Variants in CPLANE1 observed in about 807,000 individuals in gnomAD.
The protein encoded by CPLANE1 is ciliogenesis and planar polarity effector 1.
A neutral mutation model predicts 362.5 loss-of-function variants in CPLANE1; 263 were observed. That is an observed-to-expected ratio of 0.73 (90% CI 0.66 to 0.80). The LOEUF (loss-of-function observed/expected upper bound fraction) is 0.80. Among genes scored for constraint, CPLANE1 ranks in the 30% least tolerant of loss-of-function variants. The pLI, the probability that CPLANE1 is intolerant of heterozygous loss-of-function variation, is 0.00. For missense variants in CPLANE1, 3,461 were observed against 3,793.4 expected (o/e 0.91, Z 2.30); for synonymous variants, 1,212 against 1,302.6 (o/e 0.93, Z 1.50).
Position 37,187,765 on chromosome 5 carries a change from G to C in CPLANE1, c.3889C>G (p.Gln1297Glu). 1 of 1,613,626 alleles carries C rather than the reference G, an allele frequency of 6.2e-7. No homozygotes were observed. Among genetic ancestry groups the C allele is most frequent in the South Asian group, 1.1e-5 (1 of 91,026 alleles). ...CCTTTTACATTTTCTCTTGCTTTCT[G>C]ATATTGCCTGCAACTATAGGATAAC... ...DKLSYSCRQY[Q>E]KARENVKGEK... Residue 1297 changes from glutamine to glutamate, a missense_variant, in exon 22 of 53, where the codon CAG becomes GAG. By Grantham distance (29) the Gln-to-Glu change is conservative. Transcript: ENST00000651892.
At position 37,217,593 on chromosome 5, in the gene CPLANE1, C is replaced by T. The variant is rs144796690; in HGVS notation, c.2746+3731G>A. On this transcript the variant is annotated intron_variant, in intron 15 of 52. Coordinates refer to ENST00000651892, the MANE Select transcript of CPLANE1 (RefSeq NM_001384732.1). ...TTGCACTCCAGCCTGGGCGACAGAGCGAGACACCATCTCAAATAAATAAAT... is the reference window on the plus strand; with the variant it reads ...TTGCACTCCAGCCTGGGCGACAGAGTGAGACACCATCTCAAATAAATAAAT... Among the ~76,000 whole-genome samples the T allele has an allele frequency of 1.8e-3, 276 of 149,552 alleles. 2 individuals carry two copies. The East Asian group carries it at 0.045, about 25-fold the overall frequency.
intron 31 of CPLANE1, among the ~76,000 whole-genome samples, chr5:37,175,483 G>T (rs1780916347): frequency 6.6e-6 from 1 of 152,198 alleles, no homozygotes; most frequent in African/African-American, 2.4e-5. Context: ...CTGAGGTAAA[G>T]CTGTGCTATA....
chr5:37,186,789 G>A (rs1454139881), intron 23 of CPLANE1, among the ~76,000 whole-genome samples: 1 of 152,132 alleles, frequency 6.6e-6, no homozygotes, highest in South Asian at 2.1e-4. Context: ...GCCCGGCGCG[G>A]TGGCTCACGC....
chr5:37,179,181 T>C (rs999817840), intron 29 of CPLANE1, among the ~76,000 whole-genome samples, 180 bp downstream of exon 29: 31 of 152,224 alleles, frequency 2.0e-4, no homozygotes, highest in African/African-American at 7.5e-4. Flanking sequence ...TACTACACTG[T>C]ACTAGAATTT....
chr5:37,166,943 T>C (rs1580347651), intron 35 of CPLANE1, 104 bp downstream of exon 35: 7 of 860,666 alleles, frequency 8.1e-6, no homozygotes, highest in African/African-American at 3.5e-5. Context: ...GAATGTGCAA[T>C]TGTGTATAGC....
chr5:37,122,955 A>G (rs1049727075), intron 47 of CPLANE1, among the ~76,000 whole-genome samples: 1 of 152,184 alleles, frequency 6.6e-6, no homozygotes, highest in African/African-American at 2.4e-5. Flanking sequence ...TACTAGTTCA[A>G]TTAATATATT....
In CPLANE1 at chr5:37,125,403, C is replaced by T; in HGVS notation, c.8799G>A (p.Gln2933=). ...TTTGTGAATGTCTGCCAGAATAATG[C>T]TGAATTCTGAGAAATTTAACAAGCA... ...TEQAMGTSRI[Q]HYSGRHSQRT... is the part of the protein sequence containing the mutation. The change falls in exon 47 of 53, where the codon CAG becomes CAA. Residue 2933 remains glutamine, a synonymous_variant. Coordinates refer to ENST00000651892, the MANE Select transcript of CPLANE1 (RefSeq NM_001384732.1). 1.9e-6 allele frequency: 3 copies of T among 1,612,168 alleles called. No homozygotes were observed. Among genetic ancestry groups the T allele is most frequent in the Non-Finnish European group, 2.5e-6 (3 of 1,179,734 alleles).
chr5:37,197,883 C>T (rs1287875090), intron 20 of CPLANE1, among the ~76,000 whole-genome samples: 2 of 152,108 alleles, frequency 1.3e-5, no homozygotes, highest in Non-Finnish European at 2.9e-5. Flanking sequence ...TCCACTTCCT[C>T]CTCTCCCTAA....
intron 51 of CPLANE1, among the ~76,000 whole-genome samples, chr5:37,110,595 G>A (rs1469077539): frequency 6.6e-6 from 1 of 152,098 alleles, no homozygotes; most frequent in Non-Finnish European, 1.5e-5. Context: ...TTTATGTGCT[G>A]CTTTCTGTGT....
At chr5:37,085,911 A>AT in the CPLANE1 span, 1 of 746,102 alleles carries the variant, frequency 1.3e-6, no homozygotes, top group African/African-American at 1.8e-5. Flanking sequence ...TGTGGCAGGA[A>AT]TTAATAGGAA....
intron 47 of CPLANE1, among the ~76,000 whole-genome samples, chr5:37,122,984 G>A (rs1234207803): frequency 6.6e-6 from 1 of 152,150 alleles, no homozygotes; most frequent in African/African-American, 2.4e-5. Flanking sequence ...TTAATTAGGA[G>A]AGAACCTTAT....
chr5:37,166,390 C>T (rs1778251974), intron 35 of CPLANE1, among the ~76,000 whole-genome samples: 1 of 152,122 alleles, frequency 6.6e-6, no homozygotes, highest in African/African-American at 2.4e-5. Flanking sequence ...TTAGATGATA[C>T]AGTAGTCCCT....
At chr5:37,191,790 T>C (rs999145086) in intron 21 of CPLANE1, among the ~76,000 whole-genome samples, 4 of 152,242 alleles carry the variant, frequency 2.6e-5, no homozygotes, top group African/African-American at 9.6e-5. Flanking sequence ...GCTGTGATTA[T>C]GCCACTGTAT....
chr5:37,124,272 TAATCTAAACTG>T (rs1763537247), intron 47 of CPLANE1, among the ~76,000 whole-genome samples: 2 of 278 alleles, frequency 7.2e-3, no homozygotes. Flanking sequence ...AGATAAACTG[TAATCTAAACTG>T]TAATCTAAAT....
the CPLANE1 span, among the ~76,000 whole-genome samples, chr5:37,083,869 G>T: frequency 6.6e-6 from 1 of 152,122 alleles, no homozygotes; most frequent in Non-Finnish European, 1.5e-5. Context: ...GGGAATAATC[G>T]AGGAAAATTT....
chr5:37,230,921 G>A lies in CPLANE1; in HGVS notation c.1067C>T (p.Ser356Phe). The A allele has an allele frequency of 6.5e-7, 1 of 1,549,438 alleles. No homozygotes were observed. The highest frequency in any genetic ancestry group is 8.7e-7 in the Non-Finnish European group (1 of 1,145,916). Reference sequence around the variant, plus strand: ...AAATTCTGCTGGGCCAAATTCTATAGAGCAACCAAATGTAATTAATGTTAG... The same window carrying A: ...AAATTCTGCTGGGCCAAATTCTATAAAGCAACCAAATGTAATTAATGTTAG... ...ELLTLITFGC[S>F]IEFGPAEFIP... Residue 356 changes from serine (S) to phenylalanine (F), a missense_variant, in exon 9 of 53, where the codon TCT (serine) becomes TTT (phenylalanine). This residue lies in a region of CPLANE1 where 3,380 missense variants were observed against 3,666.1 expected (regional missense o/e 0.92). Coordinates refer to ENST00000651892, the MANE Select transcript of CPLANE1 (RefSeq NM_001384732.1).
At chr5:37,225,926 G>A (rs999805041) in intron 12 of CPLANE1, among the ~76,000 whole-genome samples, 1 of 150,616 alleles carries the variant, frequency 6.6e-6, no homozygotes, top group Admixed American at 6.6e-5. Flanking sequence ...TCAAGATCAT[G>A]GTTTTCCGAG....
intron 20 of CPLANE1, 58 bp downstream of exon 20, chr5:37,198,644 T>C (rs1296750512): frequency 2.8e-5 from 41 of 1,471,266 alleles, no homozygotes; most frequent in Non-Finnish European, 3.7e-5. Context: ...AAAACAATAA[T>C]ATAAATATGA....
intron 38 of CPLANE1, 89 bp downstream of exon 38, chr5:37,162,376 C>A (rs1452270612): frequency 6.5e-6 from 5 of 771,258 alleles, no homozygotes; most frequent in South Asian, 1.9e-5. Context: ...TTAAAAATTC[C>A]CTTTAAATCA....
Sources: allele counts gnomAD v4.1 joint callset (sites outside exome capture counted in the v4.1 genomes callset), GRCh38; gene constraint gnomAD v4.1.1; regional missense constraint gnomAD v4.1.1; transcripts MANE v1.5; gene names NCBI Gene and HGNC (gene_info 2026-07-23, HGNC 2026-07-21).